CHN1: variants seen among roughly 807,000 people sequenced by gnomAD.
CHN1 encodes N-chimaerin.
In CHN1, 37 loss-of-function variants were observed where a neutral mutation model predicts 59.5. That is an observed-to-expected ratio of 0.62 (90% confidence interval 0.48 to 0.82). CHN1 has a LOEUF of 0.82. Among genes scored for constraint, CHN1 ranks in the 40% least tolerant of loss-of-function variants. CHN1 has a pLI of 0.00. For synonymous variants in CHN1, 206 were observed against 200.4 expected, an observed-to-expected ratio of 1.03 and a Z score of -0.24; for missense variants, 469 against 571.0, an observed-to-expected ratio of 0.82 and a Z score of 1.82.
intron 1 of CHN1, among the ~76,000 whole-genome samples, chr2:174,993,664 C>CA (rs1459869163): frequency 2.7e-5 from 4 of 150,698 alleles, no homozygotes; most frequent in African/African-American, 9.7e-5. Flanking sequence ...TATGGAATGG[C>CA]AAATCACAGC....
chr2:174,940,984 G>C (rs2105399638), intron 3 of CHN1, among the ~76,000 whole-genome samples: 1 of 152,106 alleles, frequency 6.6e-6, no homozygotes, highest in Admixed American at 6.5e-5. Context: ...AAGAACAACT[G>C]TATATTTCCC....
intron 3 of CHN1, among the ~76,000 whole-genome samples, chr2:174,923,718 G>C (rs1689083704): frequency 1.3e-5 from 2 of 152,218 alleles, no homozygotes; most frequent in Admixed American, 1.3e-4. Flanking sequence ...CCCAATCCAA[G>C]ACAAATACTG....
intron 6 of CHN1, among the ~76,000 whole-genome samples, chr2:174,862,772 A>G (rs1286298724): frequency 6.6e-6 from 1 of 152,192 alleles, no homozygotes; most frequent in East Asian, 1.9e-4. Context: ...CAAAAGAGAA[A>G]GTTAGGTTCA....
At chr2:174,913,349 AC>A (rs1370210883) in intron 5 of CHN1, among the ~76,000 whole-genome samples, 1 of 152,200 alleles carries the variant, frequency 6.6e-6, no homozygotes, top group African/African-American at 2.4e-5. Flanking sequence ...AAGGCTGTTT[AC>A]CATAGATAAT....
chr2:174,960,433 T>C (rs1464103338), intron 1 of CHN1, among the ~76,000 whole-genome samples: 1 of 152,242 alleles, frequency 6.6e-6, no homozygotes, highest in African/African-American at 2.4e-5. Context: ...GTGTGTTCTC[T>C]GTTATCTTAA....
At chr2:175,003,455 T>C (rs1691953622) in intron 1 of CHN1, among the ~76,000 whole-genome samples, 1 of 152,230 alleles carries the variant, frequency 6.6e-6, no homozygotes, top group Non-Finnish European at 1.5e-5. Context: ...AATTTATCTT[T>C]TTTATTCGTC....
At chr2:174,987,083 G>T (rs757458171) in intron 1 of CHN1, among the ~76,000 whole-genome samples, 4 of 152,090 alleles carry the variant, frequency 2.6e-5, no homozygotes, top group Non-Finnish European at 4.4e-5. Context: ...TTACTTTATT[G>T]TAAGAATACA....
At chr2:174,907,509 T>C (rs1024273733) in intron 5 of CHN1, among the ~76,000 whole-genome samples, 4 of 152,204 alleles carry the variant, frequency 2.6e-5, no homozygotes, top group Non-Finnish European at 5.9e-5. Context: ...TTACATTCTG[T>C]TTAGTGTCAA....
intron 6 of CHN1, among the ~76,000 whole-genome samples, chr2:174,876,545 T>G (rs556225554): frequency 1.3e-5 from 2 of 152,322 alleles, no homozygotes; most frequent in African/African-American, 2.4e-5. Context: ...AAACAAGATT[T>G]GTGGTTCCTA....
intron 1 of CHN1, among the ~76,000 whole-genome samples, chr2:174,997,827 C>T (rs902859189): frequency 2.0e-5 from 3 of 151,796 alleles, no homozygotes; most frequent in Admixed American, 2.0e-4. Context: ...GTCAGGAGTT[C>T]GAGACCAGCC....
chr2:174,912,298 C>T (rs1402815822), intron 5 of CHN1, among the ~76,000 whole-genome samples: 1 of 152,118 alleles, frequency 6.6e-6, no homozygotes, highest in East Asian at 1.9e-4. Flanking sequence ...GTAGGGGCCT[C>T]TGGATGAATA....
chr2:174,946,364 G>A (rs1214649743), intron 2 of CHN1, among the ~76,000 whole-genome samples: 1 of 151,976 alleles, frequency 6.6e-6, no homozygotes, highest in African/African-American at 2.4e-5. Flanking sequence ...TAGTATCAGG[G>A]CAATGCTATA....
intron 6 of CHN1, among the ~76,000 whole-genome samples, chr2:174,873,768 CTTAAATG>C (rs1395353975): frequency 6.6e-6 from 1 of 152,100 alleles, no homozygotes; most frequent in East Asian, 1.9e-4. Flanking sequence ...AAAAATGGAA[CTTAAATG>C]TTAAAGAAAT....
intron 7 of CHN1, among the ~76,000 whole-genome samples, chr2:174,835,999 CTCGGCAG>C (rs1686062666): frequency 6.6e-6 from 1 of 152,186 alleles, no homozygotes; most frequent in Non-Finnish European, 1.5e-5. Context: ...AAGAAGGCTC[CTCGGCAG>C]ATCTCCAGAA....
At chr2:174,905,073 T>C (rs1168499411) in intron 5 of CHN1, among the ~76,000 whole-genome samples, 4 of 152,154 alleles carry the variant, frequency 2.6e-5, no homozygotes, top group Non-Finnish European at 4.4e-5. Flanking sequence ...GAGTAAAGAT[T>C]TGGAAATGTT....
chr2:174,971,523 C>A (rs547514661), intron 1 of CHN1, among the ~76,000 whole-genome samples: 1 of 152,232 alleles, frequency 6.6e-6, no homozygotes, highest in Admixed American at 6.5e-5. Context: ...AGTTTGAAAA[C>A]CACTGGCCTA....
chr2:174,918,449 C>T (rs919881103), intron 4 of CHN1, 85 bp downstream of exon 4: 1 of 1,008,702 alleles, frequency 9.9e-7, no homozygotes, highest in African/African-American at 1.7e-5. Flanking sequence ...AATACTTCAT[C>T]TTGCTTTCAT....
chr2:174,902,591 T>C (rs1192003673), intron 5 of CHN1, among the ~76,000 whole-genome samples: 3 of 152,174 alleles, frequency 2.0e-5, no homozygotes, highest in African/African-American at 4.8e-5. Flanking sequence ...AAAAATGTTC[T>C]ACAGAACATT....
chr2:174,921,474 T>C (rs891483370), intron 3 of CHN1, among the ~76,000 whole-genome samples: 1 of 152,154 alleles, frequency 6.6e-6, no homozygotes, highest in Non-Finnish European at 1.5e-5. Flanking sequence ...TCTCATATTT[T>C]ATGAGTAAAA....
Sources: allele counts gnomAD v4.1 joint callset (sites outside exome capture counted in the v4.1 genomes callset), GRCh38; gene constraint gnomAD v4.1.1; transcripts MANE v1.5; gene names NCBI Gene and HGNC (gene_info 2026-07-23, HGNC 2026-07-21).